NRG3: variants seen among roughly 807,000 people sequenced by gnomAD.
The protein encoded by NRG3 is pro-neuregulin-3, membrane-bound isoform.
A neutral mutation model predicts 66.9 loss-of-function variants in NRG3; 31 were observed. The observed-to-expected ratio is 0.46, with a 90% confidence interval of 0.35 to 0.63. NRG3 has a LOEUF of 0.63. Ranked by LOEUF, NRG3 falls within the 20% of genes least tolerant of loss-of-function variation. The pLI, the probability that NRG3 is intolerant of heterozygous loss-of-function variation, is 0.00. For missense variants in NRG3, 910 were observed against 878.9 expected, an observed-to-expected ratio of 1.04 and a Z score of -0.45; for synonymous variants, 393 against 359.4, an observed-to-expected ratio of 1.09 and a Z score of -1.06.
chr10:82,329,811 C>G (rs1589739574), intron 1 of NRG3, among the ~76,000 whole-genome samples: 1 of 152,244 alleles, frequency 6.6e-6, no homozygotes, highest in East Asian at 1.9e-4. Context: ...CTCCTGGAAA[C>G]CAAAATGGCT....
At chr10:82,885,874 TG>T (rs1842678259) in intron 4 of NRG3, among the ~76,000 whole-genome samples, 1 of 151,810 alleles carries the variant, frequency 6.6e-6, no homozygotes, top group African/African-American at 2.4e-5. Context: ...TTTTTTTTTT[TG>T]TATTATTATT....
chr10:82,736,648 T>C (rs2058168849), intron 2 of NRG3, among the ~76,000 whole-genome samples: 1 of 152,234 alleles, frequency 6.6e-6, no homozygotes, highest in African/African-American at 2.4e-5. Flanking sequence ...GGGTTAGCAC[T>C]CATGGAAAAT....
intron 2 of NRG3, among the ~76,000 whole-genome samples, chr10:82,542,251 A>T (rs979384809): frequency 6.6e-6 from 1 of 152,202 alleles, no homozygotes; most frequent in African/African-American, 2.4e-5. Context: ...AAGGAACCAG[A>T]CTTTTTAGAG....
intron 2 of NRG3, among the ~76,000 whole-genome samples, chr10:82,452,713 A>G (rs2091075757): frequency 6.6e-6 from 1 of 151,968 alleles, no homozygotes. Context: ...CCCTTATAAT[A>G]AGCACATATA....
chr10:82,046,096 T>G (rs950522355), intron 1 of NRG3, among the ~76,000 whole-genome samples: 7 of 143,326 alleles, frequency 4.9e-5, no homozygotes, highest in African/African-American at 1.5e-4. Flanking sequence ...TTTTTCCAAT[T>G]CTGTGAAGAA....
At chr10:82,544,148 T>C (rs2043736028) in intron 2 of NRG3, among the ~76,000 whole-genome samples, 1 of 152,156 alleles carries the variant, frequency 6.6e-6, no homozygotes, top group Admixed American at 6.5e-5. Flanking sequence ...CATGAGATGA[T>C]GAGTTAAAAG....
intron 2 of NRG3, among the ~76,000 whole-genome samples, chr10:82,611,573 C>T (rs1020619311): frequency 9.9e-5 from 15 of 152,174 alleles, no homozygotes; most frequent in Non-Finnish European, 1.8e-4. Flanking sequence ...CCAGCTTCAT[C>T]CATGTCCCTG....
intron 2 of NRG3, among the ~76,000 whole-genome samples, chr10:82,580,479 A>G (rs1046873011): frequency 1.3e-5 from 2 of 151,972 alleles, no homozygotes; most frequent in African/African-American, 4.8e-5. Context: ...ACATGATGTC[A>G]TGTATCCACC....
intron 1 of NRG3, among the ~76,000 whole-genome samples, chr10:82,141,974 A>G (rs2069823863): frequency 6.6e-6 from 1 of 152,142 alleles, no homozygotes; most frequent in Non-Finnish European, 1.5e-5. Flanking sequence ...AAAGGTTCTC[A>G]CATTTTATGA....
intron 2 of NRG3, among the ~76,000 whole-genome samples, chr10:82,701,944 C>G (rs992547927): frequency 6.6e-6 from 1 of 152,146 alleles, no homozygotes; most frequent in Non-Finnish European, 1.5e-5. Flanking sequence ...CTTGCCATCT[C>G]TTACAAAATT....
chr10:82,780,513 G>T, intron 3 of NRG3, among the ~76,000 whole-genome samples: 1 of 98,642 alleles, frequency 1.0e-5, no homozygotes, highest in Non-Finnish European at 1.9e-5. Context: ...ATCAAGTTGT[G>T]ATTTCCTGTC....
In NRG3 at chr10:82,550,751, C is replaced by T. The variant is rs530434938; in HGVS notation, c.954-187826C>T. Among the ~76,000 whole-genome samples the T allele has an allele frequency of 2.0e-5, 3 of 152,172 alleles. No individual in the cohort carries two copies. In the East Asian group the frequency reaches 5.8e-4, roughly 29 times the overall value. On this transcript the variant is annotated intron_variant, in intron 2 of 8. Coordinates refer to ENST00000372141, the MANE Select transcript of NRG3 (RefSeq NM_001010848.4). The stretch of plus-strand genomic sequence containing the variant: ...ACCTATGGAAATAATGAAGTGTTTC[C>T]TCCATTAGCTAGAAATTGAAGGAGT...
intron 2 of NRG3, among the ~76,000 whole-genome samples, chr10:82,645,990 C>T (rs922690): frequency 0.036 from 5,441 of 152,134 alleles, 323 homozygotes; most frequent in African/African-American, 0.12. Context: ...CAGGGATTAA[C>T]GTCAGCAGTT....
At chr10:82,865,499 G>A (rs1421649769) in intron 4 of NRG3, 62 bp downstream of exon 4, 75 of 1,472,406 alleles carry the variant, frequency 5.1e-5, no homozygotes, top group Non-Finnish European at 6.8e-5. Context: ...GATGTACATA[G>A]TGCTTTCCTT....
chr10:82,237,776 C>G (rs561423088), intron 1 of NRG3, among the ~76,000 whole-genome samples: 76 of 152,078 alleles, frequency 5.0e-4, no homozygotes, highest in Non-Finnish European at 8.2e-4. Context: ...GAAAAATGAA[C>G]AGAGGTTCTT....
intron 1 of NRG3, among the ~76,000 whole-genome samples, chr10:82,281,072 T>C (rs1444259183): frequency 6.6e-6 from 1 of 152,228 alleles, no homozygotes; most frequent in Non-Finnish European, 1.5e-5. Flanking sequence ...TACTGAACTA[T>C]GGAAATAACC....
chr10:82,737,283 G>A (rs991733336), intron 2 of NRG3, among the ~76,000 whole-genome samples: 1 of 152,106 alleles, frequency 6.6e-6, no homozygotes, highest in Admixed American at 6.6e-5. Flanking sequence ...AGGTGTTGAA[G>A]AGAGCCTGCC....
At chr10:82,233,676 T>C (rs2076613134) in intron 1 of NRG3, among the ~76,000 whole-genome samples, 1 of 152,064 alleles carries the variant, frequency 6.6e-6, no homozygotes, top group Non-Finnish European at 1.5e-5. Context: ...CTCTTGGTTC[T>C]CCTCCCCACT....
intron 4 of NRG3, among the ~76,000 whole-genome samples, chr10:82,943,184 G>A (rs1848716793): frequency 6.6e-6 from 1 of 152,212 alleles, no homozygotes; most frequent in African/African-American, 2.4e-5. Flanking sequence ...TATATGCCAT[G>A]TATTATTCTA....
Sources: gnomAD v4.1 joint callset for allele counts (sites outside exome capture counted in the v4.1 genomes callset) on GRCh38, gnomAD v4.1.1 for gene constraint, MANE v1.5 for transcripts, NCBI Gene and HGNC (gene_info 2026-07-23, HGNC 2026-07-21) for gene names.